ATRIP: variants seen among roughly 807,000 people sequenced by gnomAD.
ATRIP encodes the protein ATR-interacting protein.
Under a neutral mutation model 78.1 loss-of-function variants are expected in ATRIP, and 44 were observed. That is an observed-to-expected ratio of 0.56 (90% confidence interval 0.44 to 0.72). The LOEUF (loss-of-function observed/expected upper bound fraction) is 0.72. ATRIP is among the 30% of genes least tolerant of loss of function. The pLI, the probability that ATRIP is intolerant of heterozygous loss-of-function variation, is 0.00. For synonymous variants in ATRIP, 388 were observed against 408.9 expected, an observed-to-expected ratio of 0.95 and a Z score of 0.62; for missense variants, 927 against 980.2, an observed-to-expected ratio of 0.95 and a Z score of 0.72.
At chr3:48,454,211 T>C in intron 3 of ATRIP, 89 bp from the exon 4 acceptor site, 1 of 732,610 alleles carries the variant, frequency 1.4e-6, no homozygotes. Context: ...TTTCATTGTT[T>C]GTCTTTTACT....
At chr3:48,447,147 C>T in intron 1 of ATRIP, 55 bp downstream of exon 1, 1 of 1,403,908 alleles carries the variant, frequency 7.1e-7, no homozygotes, top group South Asian at 1.6e-5. Flanking sequence ...GCGCCAGATC[C>T]CCTTGATGGC....
intron 2 of ATRIP, among the ~76,000 whole-genome samples, chr3:48,450,889 T>C (rs1442763292): frequency 6.6e-6 from 1 of 151,618 alleles, no homozygotes; most frequent in Non-Finnish European, 1.5e-5. Context: ...TTAATGCCTC[T>C]TAGAGCCTAA....
chr3:48,451,741 G>A lies in ATRIP; in HGVS notation c.394G>A (p.Glu132Lys), dbSNP rs1347460139. The change falls in exon 3 of 13, where the codon GAA (glutamate) becomes AAA (lysine). Residue 132 changes from glutamate (E) to lysine (K), a missense_variant. Transcript: ENST00000320211. Reference sequence around the variant, plus strand: ...TTGGGATTTACAGATGAAAGTAATGGAAGAAGAAGTTCTCATTAAGAATGG... The same window carrying A: ...TTGGGATTTACAGATGAAAGTAATGAAAGAAGAAGTTCTCATTAAGAATGG... Reference protein sequence around the residue: ...KELKEKMKVMEEEVLIKNGEI... With the variant: ...KELKEKMKVMKEEVLIKNGEI... 2 of 1,591,010 alleles carry A rather than the reference G, an allele frequency of 1.3e-6. No homozygotes were observed. Among genetic ancestry groups the A allele is most frequent in the Non-Finnish European group, 8.6e-7 (1 of 1,168,970 alleles).
In ATRIP at chr3:48,460,427, C is replaced by G; in HGVS notation, c.1373C>G (p.Ser458Cys). The G allele has an allele frequency of 1.2e-6, 2 of 1,612,856 alleles. No individual in the cohort carries two copies. The highest frequency in any genetic ancestry group is 1.3e-5 in the African/African-American group (1 of 75,038). Residue 458 changes from serine (S) to cysteine (C), a missense_variant, in exon 8 of 13, where the codon TCT (serine) becomes TGT (cysteine). Ser to Cys is a moderately radical substitution (Grantham distance 112, BLOSUM62 -1). Coordinates refer to ENST00000320211, the MANE Select transcript of ATRIP (RefSeq NM_130384.3). ...DSPTHSSCVS[S>C]GVETNPEDSV... Reference sequence around the variant, plus strand: ...CCGACACATTCCTCCTGCGTGAGCTCTGGGGTAGAGACCAACCCTGAGGAC... The same window carrying G: ...CCGACACATTCCTCCTGCGTGAGCTGTGGGGTAGAGACCAACCCTGAGGAC...
rs2039796296 is a variant in ATRIP at position 48,450,093 on chromosome 3, A to G, written c.304A>G (p.Asn102Asp). ...DGMSKNPSGK[N>D]RETVPIKDNF... ...CATGTCAAAAAATCCTTCAGGGAAA[A>G]ACAGAGAAACTGTTCCAATTAAAGA... Residue 102 changes from asparagine (N) to aspartate (D), a missense_variant, in exon 2 of 13, where the codon AAC (asparagine) becomes GAC (aspartate). Asn to Asp is a conservative substitution (Grantham distance 23). Coordinates refer to ENST00000320211, the MANE Select transcript of ATRIP (RefSeq NM_130384.3). The G allele has an allele frequency of 3.1e-6, 5 of 1,613,636 alleles. No individual in the cohort carries two copies. The Middle Eastern group carries it at 8.3e-4, about 266-fold the overall frequency.
At chr3:48,464,443 G>C in intron 10 of ATRIP, 139 bp from the exon 11 acceptor site, 1 of 1,008,206 alleles carries the variant, frequency 9.9e-7, no homozygotes, top group South Asian at 1.4e-5. Context: ...CCCTGGGAAG[G>C]TCCCACACCA....
intron 4 of ATRIP, among the ~76,000 whole-genome samples, chr3:48,455,497 C>A (rs1252912420): frequency 6.8e-6 from 1 of 147,414 alleles, no homozygotes; most frequent in African/African-American, 2.5e-5. Context: ...TATTGGAAGT[C>A]TTTTTTTTTT....
intron 3 of ATRIP, among the ~76,000 whole-genome samples, chr3:48,452,381 C>G (rs894403635): frequency 2.6e-5 from 4 of 152,116 alleles, no homozygotes; most frequent in African/African-American, 9.7e-5. Context: ...TTTATAAATA[C>G]AGAGCAGAAT....
rs190010993 is a variant in ATRIP at position 48,465,149 on chromosome 3, A to G, written c.2308+66A>G. 2.9e-3 allele frequency: 4,497 copies of G among 1,557,316 alleles called. 9 individuals are homozygous for G. The highest frequency in any genetic ancestry group is 3.7e-3 in the Non-Finnish European group (4,294 of 1,146,882). Reference sequence around the variant, plus strand: ...TCTTCCAGAGGTTCCCCAACAAGTCAGATTCCTGGGTGTCCCCTCAGCAGG... The same window carrying G: ...TCTTCCAGAGGTTCCCCAACAAGTCGGATTCCTGGGTGTCCCCTCAGCAGG... On this transcript the variant is annotated intron_variant, in intron 12 of 12. Transcript: ENST00000320211.
rs2107259317 is a variant in ATRIP, at chr3:48,467,095, T to A, written c.*1541T>A. ...GCTATGCTGGGCCTCACCAGTGCTC[T>A]GGATGGTGCCTTCTGTGTGGATAGC... On this transcript the variant is annotated 3_prime_UTR_variant, in exon 13 of 13. Transcript: ENST00000320211. 1 of 1,613,986 alleles carries A rather than the reference T, an allele frequency of 6.2e-7. No individual in the cohort carries two copies. The highest frequency in any genetic ancestry group is 2.2e-5 in the East Asian group (1 of 44,870).
chr3:48,450,159 C>CTCT lies in ATRIP; in HGVS notation c.371_372insCTT (p.Leu124_Lys125insPhe). 1 of 1,607,252 alleles carries CTCT rather than the reference C, an allele frequency of 6.2e-7. No homozygotes were observed. Among genetic ancestry groups the CTCT allele is most frequent in the South Asian group, 1.1e-5 (1 of 88,858 alleles). ...GGTACTTCAGGCACAATACAAAGAACTTAAAGAAAAGGTAAGTGACTTAAC... is the reference window on the plus strand; with the variant it reads ...GGTACTTCAGGCACAATACAAAGAACTCTTTAAAGAAAAGGTAAGTGACTTAAC... On this transcript the variant is annotated inframe_insertion, in exon 2 of 13. Transcript: ENST00000320211.
intron 8 of ATRIP, among the ~76,000 whole-genome samples, chr3:48,462,514 T>C (rs2040145796): frequency 6.6e-6 from 1 of 152,058 alleles, no homozygotes. Flanking sequence ...CCATCCTGGC[T>C]AACATGGTGA....
intron 8 of ATRIP, among the ~76,000 whole-genome samples, chr3:48,461,861 C>T (rs1363733534): frequency 3.3e-5 from 5 of 152,158 alleles, no homozygotes; most frequent in Non-Finnish European, 7.3e-5. Context: ...CCTGCCACCA[C>T]ACCTGGCTAA....
chr3:48,463,475 A>G (rs1560108250), intron 8 of ATRIP, among the ~76,000 whole-genome samples: 1 of 151,806 alleles, frequency 6.6e-6, no homozygotes, highest in Non-Finnish European at 1.5e-5. Context: ...CCAGGAGGTC[A>G]TCCCACTTCC....
intron 1 of ATRIP, among the ~76,000 whole-genome samples, chr3:48,449,529 C>G (rs941091134): frequency 6.7e-6 from 1 of 148,384 alleles, no homozygotes; most frequent in Admixed American, 6.8e-5. Context: ...AAGAGTAATT[C>G]TTCCCAGCAC....
At position 48,450,132 on chromosome 3, in the gene ATRIP, G is replaced by A; in HGVS notation, c.343G>A (p.Glu115Lys). Residue 115 changes from glutamate (E) to lysine (K), a missense_variant, in exon 2 of 13, where the codon GAG becomes AAG. By Grantham distance (56) the Glu-to-Lys change is moderately conservative. Transcript: ENST00000320211. ...TVPIKDNFEL[E>K]VLQAQYKELK... Reference sequence around the variant, plus strand: ...TCCAATTAAAGATAATTTCGAATTAGAGGTACTTCAGGCACAATACAAAGA... The same window carrying A: ...TCCAATTAAAGATAATTTCGAATTAAAGGTACTTCAGGCACAATACAAAGA... 1 of 1,612,926 alleles carries A rather than the reference G, an allele frequency of 6.2e-7. No homozygotes were observed. Among genetic ancestry groups the A allele is most frequent in the South Asian group, 1.1e-5 (1 of 90,550 alleles).
chr3:48,456,286 A>G (rs946215790), intron 4 of ATRIP, among the ~76,000 whole-genome samples: 1 of 151,768 alleles, frequency 6.6e-6, no homozygotes, highest in African/African-American at 2.4e-5. Context: ...TACTTAAAAA[A>G]AAAATAAAAT....
chr3:48,456,218 G>A (rs913464340), intron 4 of ATRIP, among the ~76,000 whole-genome samples: 1 of 152,050 alleles, frequency 6.6e-6, no homozygotes, highest in African/African-American at 2.4e-5. Context: ...AAGGCAGGAA[G>A]ATTGCTTAAG....
At position 48,460,717 on chromosome 3, in the gene ATRIP, C is replaced by T; in HGVS notation, c.1663C>T (p.His555Tyr). The T allele has an allele frequency of 1.2e-6, 2 of 1,614,002 alleles. No individual in the cohort carries two copies. Among genetic ancestry groups the T allele is most frequent in the African/African-American group, 1.3e-5 (1 of 75,058 alleles). ...GGCTTTCTCTTCTGCAGCAACAGGTCACCTTCAAGCCAGTGTCCTGACCCA... is the reference window on the plus strand; with the variant it reads ...GGCTTTCTCTTCTGCAGCAACAGGTTACCTTCAAGCCAGTGTCCTGACCCA... ...LLAFSSAATG[H>Y]LQASVLTQCL... Residue 555 changes from histidine to tyrosine, a missense_variant, in exon 8 of 13, where the codon CAC (histidine) becomes TAC (tyrosine). Physicochemically the swap from His to Tyr is moderately conservative, Grantham distance 83. Coordinates refer to ENST00000320211, the MANE Select transcript of ATRIP (RefSeq NM_130384.3).
Sources: gnomAD v4.1 joint callset for allele counts (sites outside exome capture counted in the v4.1 genomes callset) on GRCh38, gnomAD v4.1.1 for gene constraint, MANE v1.5 for transcripts, NCBI Gene and HGNC (gene_info 2026-07-23, HGNC 2026-07-21) for gene names.